AMPH: variants seen among roughly 807,000 people sequenced by gnomAD.
The protein encoded by AMPH is amphiphysin, also known as amphiphysin (Stiff-Mann syndrome with breast cancer 128kD autoantigen).
AMPH carries 49 observed loss-of-function variants against 99.1 expected under a neutral mutation model. The ratio of observed to expected loss-of-function variants is 0.49; its 90% CI spans 0.39 to 0.63. The LOEUF (loss-of-function observed/expected upper bound fraction) is 0.63, where lower values mean the gene tolerates loss of function less well. Ranked by LOEUF, AMPH falls within the 20% of genes least tolerant of loss-of-function variation. AMPH has a pLI of 0.00. For missense variants in AMPH, 759 were observed against 863.4 expected (o/e 0.88, Z 1.52); for synonymous variants, 314 against 317.3 (o/e 0.99, Z 0.11).
chr7:38,518,330 G>T (rs1194031085), intron 2 of AMPH, among the ~76,000 whole-genome samples: 1 of 152,180 alleles, frequency 6.6e-6, no homozygotes, highest in East Asian at 1.9e-4. Flanking sequence ...GAGCCCTGGG[G>T]TCAGGGCTGC....
chr7:38,418,617 T>C (rs1339370603), intron 16 of AMPH, among the ~76,000 whole-genome samples: 2 of 152,224 alleles, frequency 1.3e-5, no homozygotes, highest in Non-Finnish European at 2.9e-5. Flanking sequence ...TCATAGATAC[T>C]TTACTGCCTT....
At chr7:38,412,006 G>A (rs931060231) in intron 17 of AMPH, among the ~76,000 whole-genome samples, 1 of 152,184 alleles carries the variant, frequency 6.6e-6, no homozygotes, top group African/African-American at 2.4e-5. Flanking sequence ...ATCATGTGTT[G>A]TATGATTCCA....
At chr7:38,564,184 A>G (rs1473703462) in intron 1 of AMPH, among the ~76,000 whole-genome samples, 1 of 152,352 alleles carries the variant, frequency 6.6e-6, no homozygotes, top group Non-Finnish European at 1.5e-5. Context: ...AAGCAAGGGC[A>G]TAACTAGGGT....
chr7:38,466,385 A>C (rs1787654164), intron 7 of AMPH, 137 bp from the exon 8 acceptor site: 2 of 694,316 alleles, frequency 2.9e-6, no homozygotes, highest in Non-Finnish European at 4.8e-6. Flanking sequence ...TAAATAAAAT[A>C]CTGAACCCAA....
intron 1 of AMPH, among the ~76,000 whole-genome samples, chr7:38,610,920 C>T (rs1793661170): frequency 1.3e-5 from 2 of 152,106 alleles, no homozygotes; most frequent in Admixed American, 1.3e-4. Context: ...GGTACCCAGA[C>T]ATTAGATCAA....
chr7:38,543,853 A>T (rs914438550), intron 1 of AMPH, among the ~76,000 whole-genome samples: 1 of 152,208 alleles, frequency 6.6e-6, no homozygotes, highest in East Asian at 1.9e-4. Context: ...AATACCAAAG[A>T]CTATATATCC....
chr7:38,456,742 C>T (rs1787249174), intron 11 of AMPH, among the ~76,000 whole-genome samples: 1 of 152,228 alleles, frequency 6.6e-6, no homozygotes, highest in East Asian at 1.9e-4. Context: ...ACTCAACCTA[C>T]TGCTGCCACT....
intron 1 of AMPH, among the ~76,000 whole-genome samples, chr7:38,570,838 C>A (rs755032004): frequency 9.2e-5 from 13 of 141,544 alleles, no homozygotes; most frequent in African/African-American, 3.4e-4. Context: ...TAGGACAAGG[C>A]GTGGAGGTGG....
intron 1 of AMPH, among the ~76,000 whole-genome samples, chr7:38,564,392 A>G (rs1791656098): frequency 6.6e-6 from 1 of 152,204 alleles, no homozygotes; most frequent in Non-Finnish European, 1.5e-5. Context: ...GCTGCAGAGA[A>G]AAGTCCTCAA....
At chr7:38,389,995 G>C in intron 19 of AMPH, 90 bp from the exon 20 acceptor site, 1 of 1,035,760 alleles carries the variant, frequency 9.7e-7, no homozygotes, top group Non-Finnish European at 1.5e-6. Context: ...TGGATGAAAA[G>C]AGGAAGATAT....
chr7:38,624,773 T>C (rs1794188159), intron 1 of AMPH, among the ~76,000 whole-genome samples: 1 of 152,072 alleles, frequency 6.6e-6, no homozygotes, highest in African/African-American at 2.4e-5. Flanking sequence ...ATGTGCTTAT[T>C]TCCATCTCAT....
intron 1 of AMPH, among the ~76,000 whole-genome samples, chr7:38,602,177 G>A (rs1793269981): frequency 6.6e-6 from 1 of 152,154 alleles, no homozygotes; most frequent in African/African-American, 2.4e-5. Context: ...CAATAAGGGG[G>A]ATGAGACACC....
intron 1 of AMPH, among the ~76,000 whole-genome samples, chr7:38,630,419 T>G (rs1562871756): frequency 6.6e-6 from 1 of 152,142 alleles, no homozygotes. Flanking sequence ...GGACCTGGGT[T>G]TCATTCATGC....
chr7:38,476,214 T>C (rs1788080798), intron 6 of AMPH, among the ~76,000 whole-genome samples: 1 of 152,166 alleles, frequency 6.6e-6, no homozygotes, highest in Non-Finnish European at 1.5e-5. Flanking sequence ...AGCCAAATTG[T>C]GAGGATCTTT....
chr7:38,490,769 T>C (rs1397026378), intron 5 of AMPH, among the ~76,000 whole-genome samples: 1 of 152,200 alleles, frequency 6.6e-6, no homozygotes, highest in African/African-American at 2.4e-5. Flanking sequence ...TTGGAACTTT[T>C]GGTAGCTCTG....
intron 1 of AMPH, among the ~76,000 whole-genome samples, chr7:38,566,308 GTT>G (rs11305133): frequency 2.3e-4 from 34 of 150,396 alleles, no homozygotes; most frequent in Admixed American, 2.0e-3. Context: ...CTTGTTTATT[GTT>G]TTTTTTTTGT....
chr7:38,384,702 T>A lies in AMPH; in HGVS notation c.*116A>T. The stretch of plus-strand genomic sequence containing the variant: ...CTCCATTGATACATCTTCCCAAGGT[T>A]TGTCTGGCATCAGTCTGTAAATCAT... On this transcript the variant is annotated 3_prime_UTR_variant, in exon 21 of 21. Transcript: ENST00000356264. The A allele has an allele frequency of 1.2e-6, 1 of 835,958 alleles. No homozygotes were observed. Among genetic ancestry groups the A allele is most frequent in the South Asian group, 1.9e-5 (1 of 52,274 alleles). The allele number at this position is 835,958 out of a possible 1,614,324, so 51.8% of individuals were successfully genotyped here. A position where few individuals can be genotyped will look rare whatever the true frequency, so the allele number is the denominator to read the frequency against.
intron 11 of AMPH, among the ~76,000 whole-genome samples, chr7:38,441,870 A>T (rs1786565749): frequency 8.4e-6 from 1 of 118,358 alleles, no homozygotes; most frequent in Non-Finnish European, 1.6e-5. Context: ...CATATATATC[A>T]TATATATATC....
At chr7:38,469,309 G>A (rs553519837) in intron 7 of AMPH, among the ~76,000 whole-genome samples, 9 of 152,154 alleles carry the variant, frequency 5.9e-5, no homozygotes, top group African/African-American at 1.9e-4. Flanking sequence ...GGCATCCTCA[G>A]GACACTTCTT....
Sources: allele counts gnomAD v4.1 joint callset (sites outside exome capture counted in the v4.1 genomes callset), GRCh38; gene constraint gnomAD v4.1.1; transcripts MANE v1.5; gene names NCBI Gene and HGNC (gene_info 2026-07-23, HGNC 2026-07-21).